The following FBRS variants were observed in gnomAD, a reference collection of about 807,000 sequenced individuals.
FBRS encodes the protein fibrosin.
A neutral mutation model predicts 86.1 loss-of-function variants in FBRS; 15 were observed. The ratio of observed to expected loss-of-function variants is 0.17; its 90% CI spans 0.12 to 0.27. FBRS has a LOEUF of 0.27. Ranked by LOEUF, FBRS falls within the 10% of genes least tolerant of loss-of-function variation. FBRS has a pLI of 1.00. For missense variants in FBRS, 1,367 were observed against 1,301.6 expected (o/e 1.05, Z -0.77); for synonymous variants, 666 against 575.8 (o/e 1.16, Z -2.24).
In FBRS at chr16:30,662,420, G is replaced by A. The variant is rs1456911126; in HGVS notation, c.706G>A (p.Val236Ile). Reference protein sequence around the residue: ...CDAESDLDERVSDDDLDPSFT... With the variant: ...CDAESDLDERISDDDLDPSFT... ...TCTATCCCTTGCCCTTCTTCCCCAG[G>A]TCTCCGATGATGACCTCGACCCATC... Residue 236 changes from valine to isoleucine, a missense_variant and splice_region_variant, in exon 5 of 18, where the codon GTC becomes ATC. Physicochemically the swap from Val to Ile is conservative, Grantham distance 29 (BLOSUM62 3). This residue lies in a region of FBRS where 702 missense variants were observed against 598.7 expected (regional missense o/e 1.17). Coordinates refer to ENST00000356166, the MANE Select transcript of FBRS (RefSeq NM_001105079.3). 1 of 1,550,518 alleles carries A rather than the reference G, an allele frequency of 6.4e-7. No individual in the cohort carries two copies.
At position 30,670,428 on chromosome 16, in the gene FBRS, C is replaced by G. The variant is rs2052583400; in HGVS notation, c.*783C>G. ...GCCCCCACCCCCAAAGGCTCAGCCT[C>G]TAAATCTCAGACTCCACCACCTCTT... On this transcript the variant is annotated 3_prime_UTR_variant, in exon 18 of 18. Transcript: ENST00000356166. 1 of 352,734 alleles carries G rather than the reference C, an allele frequency of 2.8e-6. No homozygotes were observed. Among genetic ancestry groups the G allele is most frequent in the African/African-American group, 2.2e-5 (1 of 46,182 alleles). The allele number at this position is 352,734 out of a possible 1,614,324, so 21.9% of individuals were successfully genotyped here.
At chr16:30,666,218 T>A in intron 11 of FBRS, 1 of 576,742 alleles carries the variant, frequency 1.7e-6, no homozygotes, top group South Asian at 2.1e-5. Context: ...ACCGCTATAC[T>A]CTAAAGTTGG....
intron 1 of FBRS, 26 bp downstream of exon 1, chr16:30,660,003 T>G: frequency 6.5e-7 from 1 of 1,542,796 alleles, no homozygotes. Flanking sequence ...GCTAGGAGAC[T>G]TTGGGGGTTT....
At position 30,669,371 on chromosome 16, in the gene FBRS, G is replaced by A. The variant is rs769072706; in HGVS notation, c.2669G>A (p.Arg890His). Residue 890 changes from arginine (R) to histidine (H), a missense_variant, in exon 18 of 18, where the codon CGC (arginine) becomes CAC (histidine). Arg to His is a conservative substitution (Grantham distance 29). Transcript: ENST00000356166. This position sits in a 1 kb window ranked among gnomAD's most constrained non-coding sequence, Gnocchi z 5.9. ...LEPTWLAAPP[R>H]LARPPRFYEA... The stretch of plus-strand genomic sequence containing the variant: ...CCAACCTGGTTGGCAGCACCCCCAC[G>A]CCTGGCAAGGCCACCCCGCTTCTAT... 63 of 1,612,556 alleles carry A rather than the reference G, an allele frequency of 3.9e-5. No homozygotes were observed. Among genetic ancestry groups the A allele is most frequent in the African/African-American group, 5.3e-5 (4 of 74,910 alleles).
chr16:30,666,063 C>T (rs2151271091), intron 11 of FBRS: 1 of 400,238 alleles, frequency 2.5e-6, no homozygotes, highest in South Asian at 3.4e-5. Context: ...CCAGAGCCTC[C>T]CTCCCCTTAG....
chr16:30,669,364 C>T lies in FBRS; in HGVS notation c.2662C>T (p.Pro888Ser), dbSNP rs748245544. The change falls in exon 18 of 18, where the codon CCC becomes TCC. Residue 888 changes from proline (P) to serine (S), a missense_variant. By Grantham distance (74) the Pro-to-Ser change is moderately conservative. Transcript: ENST00000356166. The surrounding 1 kb of genome is among the most constrained non-coding windows in gnomAD (Gnocchi z 5.9). ...CCTGGAGCCAACCTGGTTGGCAGCA[C>T]CCCCACGCCTGGCAAGGCCACCCCG... ...GFLEPTWLAA[P>S]PRLARPPRFY... 6.2e-6 allele frequency: 10 copies of T among 1,612,504 alleles called. No homozygotes were observed. The South Asian group carries it at 7.7e-5, about 12-fold the overall frequency.
At chr16:30,668,665 T>TGGGGGGGGG in intron 16 of FBRS, 22 bp downstream of exon 16, 1 of 1,456,690 alleles carries the variant, frequency 6.9e-7, no homozygotes, top group Non-Finnish European at 9.6e-7. Context: ...TGCGGTGGGG[T>TGGGGGGGGG]GGGGGGGCTG....
At position 30,662,762 on chromosome 16, in the gene FBRS, C is replaced by G. The variant is rs184406561; in HGVS notation, c.958C>G (p.Leu320Val). Residue 320 changes from leucine (L) to valine (V), a missense_variant, in exon 6 of 18, where the codon CTG (leucine) becomes GTG (valine). Coordinates refer to ENST00000356166, the MANE Select transcript of FBRS (RefSeq NM_001105079.3). ...PPAPLPATPS[L>V]PPPPQPQLQL... ...TGCACCCCTGCCGGCCACTCCCAGTCTGCCACCCCCACCCCAGCCCCAGCT... is the reference window on the plus strand; with the variant it reads ...TGCACCCCTGCCGGCCACTCCCAGTGTGCCACCCCCACCCCAGCCCCAGCT... The G allele has an allele frequency of 1.2e-3, 1,763 of 1,522,766 alleles. 7 individuals carry two copies. Among genetic ancestry groups the G allele is most frequent in the South Asian group, 2.6e-3 (214 of 81,122 alleles). 94.3% of individuals were successfully genotyped at this position (1,522,766 alleles called of 1,614,324 possible).
rs1007117125 is a variant in FBRS at position 30,664,704 on chromosome 16, C to A, written c.1358-11C>A. The stretch of plus-strand genomic sequence containing the variant: ...GACAGCATTAAAGCCTTCTCCCGTC[C>A]CCTCCCACAGAGCAGGACCTGATCG... On this transcript the variant is annotated splice_polypyrimidine_tract_variant and intron_variant, in intron 7 of 17. Transcript: ENST00000356166. 1.3e-6 allele frequency: 2 copies of A among 1,509,080 alleles called. No homozygotes were observed. Among genetic ancestry groups the A allele is most frequent in the African/African-American group, 1.4e-5 (1 of 72,014 alleles). 93.5% of individuals were successfully genotyped at this position (1,509,080 alleles called of 1,614,324 possible). A position where few individuals can be genotyped will look rare whatever the true frequency, so the allele number is the denominator to read the frequency against.
intron 14 of FBRS, 44 bp downstream of exon 14, chr16:30,667,481 A>C (rs766588108): frequency 1.3e-6 from 2 of 1,515,238 alleles, no homozygotes; most frequent in African/African-American, 2.8e-5. Context: ...CCCTGTCTAT[A>C]GCCTGAGGCC....
At chr16:30,663,157 GA>G (rs1371874567) in intron 6 of FBRS, 1 of 345,780 alleles carries the variant, frequency 2.9e-6, no homozygotes, top group African/African-American at 2.1e-5. Flanking sequence ...ATGCTGACAT[GA>G]TGGTTAAGAG....
chr16:30,668,987 T>TGCCCCCCCCCCCCCCCC lies in FBRS; in HGVS notation c.2366+8_2366+9insGCCCCCCCCCCCCCCCC. 6.8e-7 allele frequency: 1 copy of TGCCCCCCCCCCCCCCCC among 1,481,114 alleles called. No individual in the cohort carries two copies. Among genetic ancestry groups the TGCCCCCCCCCCCCCCCC allele is most frequent in the Non-Finnish European group, 9.2e-7 (1 of 1,088,966 alleles). The allele number at this position is 1,481,114 out of a possible 1,614,324, so 91.7% of individuals were successfully genotyped here. On this transcript the variant is annotated intron_variant, in intron 17 of 17. Coordinates refer to ENST00000356166, the MANE Select transcript of FBRS (RefSeq NM_001105079.3). ...CAAGGAGGAGAAGGACAGGTGTGCC[T>TGCCCCCCCCCCCCCCCC]CCCACCCACCCTGCCCCTGCCCCAC...
chr16:30,668,991 A>AACC lies in FBRS; in HGVS notation c.2366+12_2366+13insACC. 1.4e-6 allele frequency: 1 copy of AACC among 704,518 alleles called. No individual in the cohort carries two copies. Among genetic ancestry groups the AACC allele is most frequent in the Non-Finnish European group, 1.9e-6 (1 of 539,040 alleles). 43.6% of individuals were successfully genotyped at this position (704,518 alleles called of 1,614,324 possible). On this transcript the variant is annotated intron_variant, in intron 17 of 17. Transcript: ENST00000356166. ...GAGGAGAAGGACAGGTGTGCCTCCC[A>AACC]CCCACCCTGCCCCTGCCCCACCCTC...
intron 6 of FBRS, chr16:30,663,177 T>G (rs1462338496): frequency 7.0e-6 from 2 of 285,574 alleles, no homozygotes; most frequent in Non-Finnish European, 1.2e-5. Flanking sequence ...AGCGCTGGCT[T>G]TGGTGTCAGA....
Position 30,664,393 on chromosome 16 carries a change from C to T in FBRS, c.1234C>T (p.Leu412=). 6.8e-7 allele frequency: 1 copy of T among 1,469,036 alleles called. No homozygotes were observed. Among genetic ancestry groups the T allele is most frequent in the Non-Finnish European group, 9.1e-7 (1 of 1,093,930 alleles). 91.0% of individuals were successfully genotyped at this position (1,469,036 alleles called of 1,614,324 possible). A position where few individuals can be genotyped will look rare whatever the true frequency, so the allele number is the denominator to read the frequency against. Residue 412 remains leucine, a synonymous_variant, in exon 7 of 18, where the codon CTG becomes TTG. Coordinates refer to ENST00000356166, the MANE Select transcript of FBRS (RefSeq NM_001105079.3). Reference sequence around the variant, plus strand: ...CACCCACAGCTTTCCCCCTCCCGGGCTGCGGCCCCCCCCACCACCCCACCA... The same window carrying T: ...CACCCACAGCTTTCCCCCTCCCGGGTTGCGGCCCCCCCCACCACCCCACCA... ...LSTHSFPPPG[L]RPPPPPHHPS...
chr16:30,669,232 G>C lies in FBRS; in HGVS notation c.2530G>C (p.Ala844Pro). The change falls in exon 18 of 18, where the codon GCC becomes CCC. Residue 844 changes from alanine to proline, a missense_variant. Coordinates refer to ENST00000356166, the MANE Select transcript of FBRS (RefSeq NM_001105079.3). This position sits in a 1 kb window ranked among gnomAD's most constrained non-coding sequence, Gnocchi z 5.9. ...AAAAAAAAAA[A>P]AAAAATGPQG... Reference sequence around the variant, plus strand: ...TGCCGCTGCTGCTGCCGCCGCCGCTGCCGCCGCCGCAGCAGCCACTGGGCC... The same window carrying C: ...TGCCGCTGCTGCTGCCGCCGCCGCTCCCGCCGCCGCAGCAGCCACTGGGCC... 1 of 1,548,616 alleles carries C rather than the reference G, an allele frequency of 6.5e-7. No individual in the cohort carries two copies. Among genetic ancestry groups the C allele is most frequent in the Non-Finnish European group, 8.7e-7 (1 of 1,146,314 alleles).
Position 30,668,789 on chromosome 16 carries a change from G to A in FBRS, c.2176G>A (p.Ala726Thr). Residue 726 changes from alanine (A) to threonine (T), a missense_variant, in exon 17 of 18, where the codon GCC (alanine) becomes ACC (threonine). Around this residue, in one of 3 missense-constraint regions of FBRS, gnomAD observed 659 missense variants for 678.8 expected, o/e 0.97. Transcript: ENST00000356166. ...CTGCCCAGACTCCGGCGCCGTCTTT[G>A]CCCAGAAAGAAAGCCCAGGGGCCCC... ...SPTFNSGAVF[A>T]QKESPGAPPA... is the part of the protein sequence containing the mutation. 6.2e-7 allele frequency: 1 copy of A among 1,600,522 alleles called. No individual in the cohort carries two copies. The highest frequency in any genetic ancestry group is 8.5e-7 in the Non-Finnish European group (1 of 1,178,686).
chr16:30,661,734 G>A (rs531089651), intron 4 of FBRS, among the ~76,000 whole-genome samples: 6 of 152,186 alleles, frequency 3.9e-5, no homozygotes. Context: ...ATTGTAGTCA[G>A]TGTAGGGACT....
rs1186803842 is a variant in FBRS at position 30,670,577 on chromosome 16, C to T, written c.*932C>T. ...GGTGGCCAGAGAAGGTCACCATGTA[C>T]CACACACCAAAGAAGGGGGTCGGCC... On this transcript the variant is annotated 3_prime_UTR_variant, in exon 18 of 18. Transcript: ENST00000356166. The T allele has an allele frequency of 4.9e-6, 1 of 202,812 alleles. No individual in the cohort carries two copies. The highest frequency in any genetic ancestry group is 2.4e-5 in the African/African-American group (1 of 41,842). 12.6% of individuals were successfully genotyped at this position (202,812 alleles called of 1,614,324 possible). A position where few individuals can be genotyped will look rare whatever the true frequency, so the allele number is the denominator to read the frequency against.
Sources: gnomAD v4.1 joint callset for allele counts (sites outside exome capture counted in the v4.1 genomes callset) on GRCh38, gnomAD v4.1.1 for gene constraint, gnomAD v4.1.1 regional missense constraint, Gnocchi (gnomAD v3.1) non-coding constraint, MANE v1.5 for transcripts, NCBI Gene and HGNC (gene_info 2026-07-23, HGNC 2026-07-21) for gene names.